The following LRP1B variants were observed in gnomAD, a reference collection of about 807,000 sequenced individuals.
The protein encoded by LRP1B is low-density lipoprotein receptor-related protein 1B.
In LRP1B, 217 loss-of-function variants were observed where a neutral mutation model predicts 556.6. That is an observed-to-expected ratio of 0.39 (90% CI 0.35 to 0.44). The LOEUF (loss-of-function observed/expected upper bound fraction) is 0.44. LRP1B is among the 20% of genes least tolerant of loss of function. The pLI is 1.00. For synonymous variants in LRP1B, 2,047 were observed against 1,865.8 expected (o/e 1.10, Z -2.50); for missense variants, 5,053 against 5,620.8 (o/e 0.90, Z 3.23).
intron 7 of LRP1B, among the ~76,000 whole-genome samples, chr2:141,144,112 C>T (rs1348148483): frequency 6.6e-6 from 1 of 151,992 alleles, no homozygotes; most frequent in Non-Finnish European, 1.5e-5. Context: ...TCAGATCCAG[C>T]TAAAAGGAAA....
intron 35 of LRP1B, among the ~76,000 whole-genome samples, chr2:140,764,136 T>C (rs754276204): frequency 6.6e-6 from 1 of 152,274 alleles, no homozygotes; most frequent in Non-Finnish European, 1.5e-5. Flanking sequence ...ATTTTGTAAA[T>C]AGTTTCTTTT....
chr2:141,197,294 C>T (rs986148802), intron 6 of LRP1B, among the ~76,000 whole-genome samples: 1 of 152,008 alleles, frequency 6.6e-6, no homozygotes, highest in Non-Finnish European at 1.5e-5. Context: ...CTGGAAAAAC[C>T]CTACCTTCAT....
chr2:141,902,175 A>C (rs1699637517), intron 1 of LRP1B, among the ~76,000 whole-genome samples: 1 of 150,818 alleles, frequency 6.6e-6, no homozygotes, highest in Non-Finnish European at 1.5e-5. Flanking sequence ...TATACATATT[A>C]ATAATAATAA....
At chr2:141,610,793 G>A (rs1400062945) in intron 2 of LRP1B, among the ~76,000 whole-genome samples, 4 of 152,176 alleles carry the variant, frequency 2.6e-5, no homozygotes, top group African/African-American at 9.7e-5. Context: ...CAAAGCTGAT[G>A]ATTAGGAAAA....
At chr2:142,029,368 C>A (rs947179906) in intron 1 of LRP1B, among the ~76,000 whole-genome samples, 1 of 151,888 alleles carries the variant, frequency 6.6e-6, no homozygotes, top group African/African-American at 2.4e-5. Flanking sequence ...GTTGGCCAAG[C>A]ATCAATACAT....
intron 49 of LRP1B, among the ~76,000 whole-genome samples, chr2:140,521,491 T>C (rs148457375): frequency 6.6e-6 from 1 of 152,068 alleles, no homozygotes; most frequent in East Asian, 1.9e-4. Flanking sequence ...AAGCAATTGT[T>C]AAAGGACTAG....
chr2:140,867,607 G>A lies in LRP1B; in HGVS notation c.4562C>T (p.Pro1521Leu), dbSNP rs763605702. Residue 1521 changes from proline (P) to leucine (L), a missense_variant, in exon 27 of 91, where the codon CCC becomes CTC. By Grantham distance (98) the Pro-to-Leu change is moderately conservative (BLOSUM62 -3). This residue lies in a region of LRP1B where 3,619 missense variants were observed against 3,931.9 expected (regional missense o/e 0.92). Transcript: ENST00000389484. ...AQPFDLQIYH[P>L]SRQPQAPNPC... is the part of the protein sequence containing the mutation. ...GCACTTACCCTGTGGCTGGCGACTG[G>A]GATGGTATATCTGAAGGTCAAATGG... The A allele has an allele frequency of 1.2e-6, 2 of 1,612,446 alleles. No homozygotes were observed. The highest frequency in any genetic ancestry group is 1.7e-6 in the Non-Finnish European group (2 of 1,178,992).
intron 6 of LRP1B, among the ~76,000 whole-genome samples, chr2:141,199,375 T>C (rs143559803): frequency 2.2e-3 from 339 of 152,294 alleles, no homozygotes; most frequent in African/African-American, 7.7e-3. Context: ...TACATAGTTT[T>C]AATCAACGGC....
At chr2:141,308,376 C>T (rs1443380110) in intron 3 of LRP1B, among the ~76,000 whole-genome samples, 1 of 152,142 alleles carries the variant, frequency 6.6e-6, no homozygotes, top group Non-Finnish European at 1.5e-5. Context: ...CTTTCATGCT[C>T]ATAACAGTTT....
chr2:141,363,434 T>C (rs1239835503), intron 3 of LRP1B, among the ~76,000 whole-genome samples: 2 of 151,912 alleles, frequency 1.3e-5, no homozygotes, highest in East Asian at 3.8e-4. Flanking sequence ...ACTTAGAACA[T>C]TCTGTTCCTG....
chr2:140,363,029 G>A (rs1201661377), intron 72 of LRP1B, among the ~76,000 whole-genome samples: 1 of 151,592 alleles, frequency 6.6e-6, no homozygotes, highest in Non-Finnish European at 1.5e-5. Flanking sequence ...ATGTCTTTTA[G>A]TCTAGCTCCT....
chr2:140,985,210 G>A (rs1193361057), intron 17 of LRP1B, among the ~76,000 whole-genome samples: 1 of 151,954 alleles, frequency 6.6e-6, no homozygotes, highest in Non-Finnish European at 1.5e-5. Context: ...GCCAAGAGGA[G>A]ACTAGAGCAT....
intron 27 of LRP1B, among the ~76,000 whole-genome samples, chr2:140,860,538 C>G (rs1692757321): frequency 6.6e-6 from 1 of 152,052 alleles, no homozygotes; most frequent in Non-Finnish European, 1.5e-5. Flanking sequence ...TTTAAGACCC[C>G]TTTAAACCAA....
chr2:141,360,586 G>A (rs1427778645), intron 3 of LRP1B, among the ~76,000 whole-genome samples: 3 of 152,158 alleles, frequency 2.0e-5, no homozygotes, highest in African/African-American at 7.2e-5. Flanking sequence ...TCCAGGTAAT[G>A]TAAAGGTGGT....
chr2:141,741,452 G>T (rs900359970), intron 2 of LRP1B, among the ~76,000 whole-genome samples: 1 of 151,234 alleles, frequency 6.6e-6, no homozygotes. Context: ...CCACTTCCTT[G>T]CCAGCATTTG....
At chr2:141,333,435 G>T (rs1687733312) in intron 3 of LRP1B, among the ~76,000 whole-genome samples, 1 of 152,092 alleles carries the variant, frequency 6.6e-6, no homozygotes, top group Non-Finnish European at 1.5e-5. Flanking sequence ...GCCAATAGAT[G>T]CATCTTTCAC....
intron 1 of LRP1B, among the ~76,000 whole-genome samples, chr2:142,115,561 TGTAATATATATTATATATGTAA>T: frequency 1.8e-5 from 1 of 55,340 alleles, no homozygotes; most frequent in Non-Finnish European, 3.3e-5. Flanking sequence ...ATATTATATA[TGTAATATATATTATATATGTAA>T]TATATATATT....
chr2:140,509,594 T>A (rs891895796), intron 52 of LRP1B, among the ~76,000 whole-genome samples: 3 of 152,156 alleles, frequency 2.0e-5, no homozygotes, highest in Non-Finnish European at 4.4e-5. Context: ...AGGATGGTGG[T>A]GGACGACGCA....
chr2:141,768,925 CCTAT>C (rs1694815304), intron 2 of LRP1B, among the ~76,000 whole-genome samples: 1 of 151,520 alleles, frequency 6.6e-6, no homozygotes, highest in South Asian at 2.1e-4. Context: ...TATATATGTA[CCTAT>C]CTATTTATCT....
Sources: allele counts gnomAD v4.1 joint callset (sites outside exome capture counted in the v4.1 genomes callset), GRCh38; gene constraint gnomAD v4.1.1; regional missense constraint gnomAD v4.1.1; transcripts MANE v1.5; gene names NCBI Gene and HGNC (gene_info 2026-07-23, HGNC 2026-07-21).